Variants in SCAF11 observed in about 807,000 individuals in gnomAD.
SCAF11 encodes the protein SR-related CTD associated factor 11, also known as protein SCAF11.
A neutral mutation model predicts 140.5 loss-of-function variants in SCAF11; 47 were observed. The ratio of observed to expected loss-of-function variants is 0.33; its 90% CI spans 0.26 to 0.43. The LOEUF is 0.43. SCAF11 is among the 20% of genes least tolerant of loss of function. The pLI, the probability that SCAF11 is intolerant of heterozygous loss-of-function variation, is 1.00. For synonymous variants in SCAF11, 557 were observed against 579.4 expected (o/e 0.96, Z 0.55); for missense variants, 1,645 against 1,705.1 (o/e 0.96, Z 0.62).
rs771594125 is a variant in SCAF11 at position 45,926,811 on chromosome 12, G to C, written c.2890C>G (p.Pro964Ala). Residue 964 changes from proline to alanine, a missense_variant, in exon 11 of 15, where the codon CCC (proline) becomes GCC (alanine). By Grantham distance (27) the Pro-to-Ala change is conservative. Transcript: ENST00000369367. Reference sequence around the variant, plus strand: ...TTTGCCCATCTTCCCTTCCACCGGGGAGAGTAACTATCTCTGTCAATTCTA... The same window carrying C: ...TTTGCCCATCTTCCCTTCCACCGGGCAGAGTAACTATCTCTGTCAATTCTA... ...FGRIDRDSYS[P>A]RWKGRWANDG... 3 of 1,614,104 alleles carry C rather than the reference G, an allele frequency of 1.9e-6. No individual in the cohort carries two copies. Among genetic ancestry groups the C allele is most frequent in the South Asian group, 1.1e-5 (1 of 91,080 alleles).
intron 6 of SCAF11, among the ~76,000 whole-genome samples, chr12:45,942,626 C>G (rs1945331217): frequency 6.6e-6 from 1 of 152,208 alleles, no homozygotes; most frequent in Admixed American, 6.5e-5. Context: ...ATTCCTGTCT[C>G]AGGCTTTTAC....
intron 1 of SCAF11, among the ~76,000 whole-genome samples, chr12:45,977,914 G>A (rs1401413621): frequency 1.3e-5 from 2 of 152,178 alleles, no homozygotes; most frequent in African/African-American, 4.8e-5. Flanking sequence ...CTAAGGCAGA[G>A]TTGCAGAAAC....
intron 1 of SCAF11, among the ~76,000 whole-genome samples, chr12:45,965,088 G>A (rs894692585): frequency 6.6e-6 from 1 of 152,200 alleles, no homozygotes; most frequent in Non-Finnish European, 1.5e-5. Flanking sequence ...AGTATGGCTA[G>A]ATTATAGATG....
At chr12:45,945,340 G>A in intron 5 of SCAF11, 27 bp from the exon 6 acceptor site, 2 of 1,362,066 alleles carry the variant, frequency 1.5e-6, no homozygotes, top group Non-Finnish European at 2.0e-6. Context: ...AGACAGGAAA[G>A]AATTAAGAAA....
In SCAF11 at chr12:45,928,731, T is replaced by C. The variant is rs1447276955; in HGVS notation, c.970A>G (p.Thr324Ala). Residue 324 changes from threonine to alanine, a missense_variant, in exon 11 of 15, where the codon ACA becomes GCA. Thr to Ala is a moderately conservative substitution (Grantham distance 58). Around this residue, in one of 2 missense-constraint regions of SCAF11, gnomAD observed 1,582 missense variants for 1,609.2 expected, o/e 0.98. Coordinates refer to ENST00000369367, the MANE Select transcript of SCAF11 (RefSeq NM_004719.3). ...GCTGTTTCAGCTCTTGTGTTACGTG[T>C]AGACCTCCTTGTAGGAGTTGTCATT... ...PAMTTPTRRS[T>A]RNTRAETASQ... 4 of 1,613,994 alleles carry C rather than the reference T, an allele frequency of 2.5e-6. No individual in the cohort carries two copies. The highest frequency in any genetic ancestry group is 2.7e-5 in the African/African-American group (2 of 74,912).
chr12:45,956,404 A>G (rs1191848252), intron 3 of SCAF11, among the ~76,000 whole-genome samples: 1 of 152,140 alleles, frequency 6.6e-6, no homozygotes, highest in African/African-American at 2.4e-5. Context: ...TTTTAAAGCT[A>G]TTTTCCAGGA....
intron 6 of SCAF11, among the ~76,000 whole-genome samples, chr12:45,937,718 G>A (rs1032734555): frequency 4.6e-5 from 7 of 152,172 alleles, no homozygotes; most frequent in African/African-American, 1.7e-4. Context: ...AATCAAGACT[G>A]CCAGTGCTTT....
At chr12:45,987,107 T>G (rs1021244564) in intron 1 of SCAF11, among the ~76,000 whole-genome samples, 7 of 152,164 alleles carry the variant, frequency 4.6e-5, no homozygotes, top group African/African-American at 7.2e-5. Context: ...ATTCCTGTAA[T>G]CCCAGCACTT....
intron 8 of SCAF11, among the ~76,000 whole-genome samples, chr12:45,933,751 A>G (rs916646368): frequency 1.3e-5 from 2 of 152,152 alleles, no homozygotes; most frequent in African/African-American, 4.8e-5. Flanking sequence ...ACTGTACGTG[A>G]TTTTAAAACC....
intron 6 of SCAF11, among the ~76,000 whole-genome samples, chr12:45,938,395 A>G (rs1300745938): frequency 6.6e-6 from 1 of 152,186 alleles, no homozygotes; most frequent in South Asian, 2.1e-4. Context: ...AGGCTAAGGC[A>G]GTAGAATCAC....
chr12:45,957,342 G>C (rs955200432), intron 3 of SCAF11, among the ~76,000 whole-genome samples: 2 of 152,110 alleles, frequency 1.3e-5, no homozygotes, highest in South Asian at 2.1e-4. Flanking sequence ...ACTGCATAAA[G>C]AAACACCTGT....
chr12:45,965,486 T>A (rs998953183), intron 1 of SCAF11, among the ~76,000 whole-genome samples: 1 of 152,084 alleles, frequency 6.6e-6, no homozygotes, highest in Non-Finnish European at 1.5e-5. Flanking sequence ...TTTAATCAAC[T>A]TTTTTTCCTA....
In SCAF11 at chr12:45,920,705, T is replaced by C. The variant is rs78984577; in HGVS notation, c.*1343A>G. The C allele has an allele frequency of 0.02, 3,018 of 152,702 alleles. 44 individuals are homozygous for C. Among genetic ancestry groups the C allele is most frequent in the Middle Eastern group, 0.031 (9 of 294 alleles). 9.5% of individuals were successfully genotyped at this position (152,702 alleles called of 1,614,324 possible). ...TTTCTAAAACACAGGTTTTACTGTCTAGAATTTTGCAACATGGCTAATGGC... is the reference window on the plus strand; with the variant it reads ...TTTCTAAAACACAGGTTTTACTGTCCAGAATTTTGCAACATGGCTAATGGC... On this transcript the variant is annotated 3_prime_UTR_variant, in exon 15 of 15. Transcript: ENST00000369367.
chr12:45,987,052 T>C (rs1946474346), intron 1 of SCAF11, among the ~76,000 whole-genome samples: 2 of 152,222 alleles, frequency 1.3e-5, no homozygotes, highest in Non-Finnish European at 2.9e-5. Context: ...CATACTGTTA[T>C]ACTCCTCTAA....
intron 4 of SCAF11, among the ~76,000 whole-genome samples, chr12:45,948,846 G>C (rs1945485337): frequency 6.6e-6 from 1 of 152,126 alleles, no homozygotes; most frequent in Non-Finnish European, 1.5e-5. Context: ...AGACTTTAAT[G>C]AGTAGATGAT....
chr12:45,924,691 G>T, intron 12 of SCAF11, 37 bp downstream of exon 12: 1 of 1,501,980 alleles, frequency 6.7e-7, no homozygotes, highest in South Asian at 1.2e-5. Flanking sequence ...TGTTTACAAT[G>T]GCTATATTGA....
At chr12:45,989,733 A>T (rs1946544193) in intron 1 of SCAF11, among the ~76,000 whole-genome samples, 1 of 152,182 alleles carries the variant, frequency 6.6e-6, no homozygotes, top group Non-Finnish European at 1.5e-5. Flanking sequence ...GTGGATGAGT[A>T]GTTTGAAGTT....
chr12:45,974,181 T>G (rs2136647402), intron 1 of SCAF11: 1 of 470,886 alleles, frequency 2.1e-6, no homozygotes. Context: ...ATACTTGATT[T>G]AAAAATACCT....
At chr12:45,965,666 T>A (rs1199129559) in intron 1 of SCAF11, among the ~76,000 whole-genome samples, 1 of 152,240 alleles carries the variant, frequency 6.6e-6, no homozygotes, top group African/African-American at 2.4e-5. Context: ...ATAATTGCAA[T>A]GAAATGTCCA....
Sources: allele counts gnomAD v4.1 joint callset (sites outside exome capture counted in the v4.1 genomes callset), GRCh38; gene constraint gnomAD v4.1.1; regional missense constraint gnomAD v4.1.1; transcripts MANE v1.5; gene names NCBI Gene and HGNC (gene_info 2026-07-23, HGNC 2026-07-21).